Variants in XYLT1 observed in about 807,000 individuals in gnomAD.
XYLT1 encodes the protein xylosyltransferase 1.
XYLT1 carries 36 observed loss-of-function variants against 91.3 expected under a neutral mutation model. The ratio of observed to expected loss-of-function variants is 0.39; its 90% CI spans 0.30 to 0.52. XYLT1 has a LOEUF of 0.52. Among genes scored for constraint, XYLT1 ranks in the 20% least tolerant of loss-of-function variants. The pLI is 0.68. For missense variants in XYLT1, 1,242 were observed against 1,284.5 expected (o/e 0.97, Z 0.51); for synonymous variants, 588 against 532.0 (o/e 1.11, Z -1.45).
At chr16:17,278,868 C>T (rs769177677) in intron 2 of XYLT1, among the ~76,000 whole-genome samples, 1 of 152,200 alleles carries the variant, frequency 6.6e-6, no homozygotes, top group South Asian at 2.1e-4. Context: ...ACAGCCTCAT[C>T]TATGCACAGG....
chr16:17,233,650 G>T (rs1051938927), intron 3 of XYLT1, among the ~76,000 whole-genome samples: 6 of 152,200 alleles, frequency 3.9e-5, no homozygotes, highest in African/African-American at 9.6e-5. Flanking sequence ...TAAATCAAGA[G>T]ATTTCAGATT....
In XYLT1 at chr16:17,320,375, A is replaced by T. The variant is rs145281261; in HGVS notation, c.402+37637T>A. Among the ~76,000 whole-genome samples the T allele has an allele frequency of 2.5e-3, 384 of 152,178 alleles. 3 individuals are homozygous for T. The highest frequency in any genetic ancestry group is 9.1e-3 in the African/African-American group (376 of 41,520). Reference sequence around the variant, plus strand: ...TCTAACCCACTATGAAGACCCTCAAACACACCATTCCCAATGCTTACATCC... The same window carrying T: ...TCTAACCCACTATGAAGACCCTCAATCACACCATTCCCAATGCTTACATCC... On this transcript the variant is annotated intron_variant, in intron 2 of 11. Coordinates refer to ENST00000261381, the MANE Select transcript of XYLT1 (RefSeq NM_022166.4).
At chr16:17,152,553 G>A (rs1352819751) in intron 6 of XYLT1, among the ~76,000 whole-genome samples, 2 of 152,232 alleles carry the variant, frequency 1.3e-5, no homozygotes, top group African/African-American at 2.4e-5. Flanking sequence ...CTTCCCGAAT[G>A]CGGATTTGCC....
At chr16:17,325,972 T>C (rs1347925793) in intron 2 of XYLT1, among the ~76,000 whole-genome samples, 1 of 152,174 alleles carries the variant, frequency 6.6e-6, no homozygotes, top group Non-Finnish European at 1.5e-5. Context: ...GAATCTGCCA[T>C]CCATTATCCT....
intron 1 of XYLT1, among the ~76,000 whole-genome samples, chr16:17,374,639 AC>A (rs2035573360): frequency 1.8e-5 from 2 of 112,004 alleles, no homozygotes; most frequent in Non-Finnish European, 3.7e-5. Flanking sequence ...GTTATTACAG[AC>A]AGAAAAAAAA....
chr16:17,319,757 C>T (rs1208527267), intron 2 of XYLT1, among the ~76,000 whole-genome samples: 2 of 152,152 alleles, frequency 1.3e-5, no homozygotes, highest in Non-Finnish European at 2.9e-5. Context: ...CATCTCATAT[C>T]AAGATACCAA....
At chr16:17,151,268 C>T (rs1054943530) in intron 6 of XYLT1, among the ~76,000 whole-genome samples, 2 of 152,176 alleles carry the variant, frequency 1.3e-5, no homozygotes, top group Non-Finnish European at 2.9e-5. Flanking sequence ...TCTACTGAAA[C>T]TACAAAAATT....
At chr16:17,162,688 G>C (rs1267820115) in intron 5 of XYLT1, among the ~76,000 whole-genome samples, 1 of 152,220 alleles carries the variant, frequency 6.6e-6, no homozygotes, top group African/African-American at 2.4e-5. Flanking sequence ...ACTGCTATTA[G>C]AAATGCCATA....
At chr16:17,443,957 T>A (rs1438205516) in intron 1 of XYLT1, among the ~76,000 whole-genome samples, 1 of 152,058 alleles carries the variant, frequency 6.6e-6, no homozygotes, top group Non-Finnish European at 1.5e-5. Flanking sequence ...GCTCCCCATA[T>A]TTTCACCCAC....
At position 17,361,477 on chromosome 16, in the gene XYLT1, C is replaced by T. The variant is rs542799192; in HGVS notation, c.364-3427G>A. 3.3e-5 allele frequency among the ~76,000 whole-genome samples: 5 copies of T among 152,324 alleles called. No individual in the cohort carries two copies. The South Asian group carries it at 1.0e-3, about 32-fold the overall frequency. On this transcript the variant is annotated intron_variant, in intron 1 of 11. Transcript: ENST00000261381. ...AGATCAAAAAGTGTTGTCACAAACA[C>T]TCACAGACTCAGAACCTAAATAATA...
Position 17,141,396 on chromosome 16 carries a change from C to T in XYLT1, c.1371-27G>A, listed in dbSNP as rs1458968926. 1.9e-6 allele frequency: 3 copies of T among 1,601,186 alleles called. No individual in the cohort carries two copies. In the Admixed American group the frequency reaches 5.1e-5, roughly 27 times the overall value. On this transcript the variant is annotated intron_variant, in intron 6 of 11. Coordinates refer to ENST00000261381, the MANE Select transcript of XYLT1 (RefSeq NM_022166.4). ...TGGGAGGGAGAAAGCTGCCCTTAGCCCAGAGGTGTCCTGAAAGACAGAACT... is the reference window on the plus strand; with the variant it reads ...TGGGAGGGAGAAAGCTGCCCTTAGCTCAGAGGTGTCCTGAAAGACAGAACT...
chr16:17,213,744 G>A (rs1402354666), intron 3 of XYLT1, among the ~76,000 whole-genome samples: 3 of 151,730 alleles, frequency 2.0e-5, no homozygotes, highest in South Asian at 2.1e-4. Context: ...TCAGCCTCCC[G>A]AGTACCTGGG....
chr16:17,175,416 A>T (rs1050967137), intron 5 of XYLT1, among the ~76,000 whole-genome samples: 1 of 152,198 alleles, frequency 6.6e-6, no homozygotes, highest in Admixed American at 6.5e-5. Context: ...ATCATGATGT[A>T]CATATTATCA....
At chr16:17,450,273 G>T (rs1256489514) in intron 1 of XYLT1, among the ~76,000 whole-genome samples, 3 of 152,124 alleles carry the variant, frequency 2.0e-5, no homozygotes, top group Non-Finnish European at 4.4e-5. Context: ...AGGAGGCAGA[G>T]GTTGCAGTGA....
chr16:17,268,899 C>T (rs1417567872), intron 2 of XYLT1, among the ~76,000 whole-genome samples: 1 of 152,162 alleles, frequency 6.6e-6, no homozygotes, highest in South Asian at 2.1e-4. Context: ...TCTCAAACTC[C>T]TGACTTCAGG....
intron 6 of XYLT1, among the ~76,000 whole-genome samples, chr16:17,145,211 T>C (rs187757931): frequency 6.6e-6 from 1 of 152,372 alleles, no homozygotes; most frequent in Non-Finnish European, 1.5e-5. Flanking sequence ...CCATGCCTTG[T>C]TTTTGCCTGC....
chr16:17,255,203 T>A (rs2033612896), intron 3 of XYLT1, among the ~76,000 whole-genome samples: 1 of 152,018 alleles, frequency 6.6e-6, no homozygotes, highest in Non-Finnish European at 1.5e-5. Context: ...TTCGCCATGT[T>A]GGCCAGGCTG....
intron 1 of XYLT1, among the ~76,000 whole-genome samples, chr16:17,365,169 T>C (rs765861054): frequency 3.3e-4 from 50 of 152,168 alleles, no homozygotes; most frequent in Non-Finnish European, 5.9e-4. Flanking sequence ...GTGAAGAGAT[T>C]TGCCTTGCCC....
intron 11 of XYLT1, among the ~76,000 whole-genome samples, chr16:17,116,532 T>G (rs1023700944): frequency 1.3e-5 from 2 of 152,218 alleles, no homozygotes; most frequent in African/African-American, 4.8e-5. Context: ...GGCTGCATAG[T>G]ACTCCATTGT....
Sources: allele counts gnomAD v4.1 joint callset (sites outside exome capture counted in the v4.1 genomes callset), GRCh38; gene constraint gnomAD v4.1.1; transcripts MANE v1.5; gene names NCBI Gene and HGNC (gene_info 2026-07-23, HGNC 2026-07-21).